The following AVEN variants were observed in gnomAD, a reference collection of about 807,000 sequenced individuals.
AVEN encodes the protein cell death regulator Aven.
In AVEN, 41 loss-of-function variants were observed where a neutral mutation model predicts 38.1. The ratio of observed to expected loss-of-function variants is 1.08; its 90% CI spans 0.84 to 1.40. The LOEUF is 1.40. AVEN is among the 40% of genes most tolerant of loss of function. AVEN has a pLI of 0.00. For synonymous variants in AVEN, 206 were observed against 171.8 expected, an observed-to-expected ratio of 1.20 and a Z score of -1.56; for missense variants, 605 against 438.8, an observed-to-expected ratio of 1.38 and a Z score of -3.38.
chr15:33,873,097 T>TC (rs1891061116), intron 3 of AVEN, among the ~76,000 whole-genome samples: 1 of 124,528 alleles, frequency 8.0e-6, no homozygotes, highest in Non-Finnish European at 1.8e-5. Flanking sequence ...TCCTTTTCTT[T>TC]TTTTTTTTTT....
intron 2 of AVEN, among the ~76,000 whole-genome samples, chr15:33,902,165 T>C (rs538428938): frequency 1.3e-5 from 2 of 152,368 alleles, no homozygotes; most frequent in East Asian, 3.9e-4. Flanking sequence ...CAACGTTTTA[T>C]TGTTTTTAGT....
chr15:33,860,382 C>G (rs926701001), intron 11 of AVEN, among the ~76,000 whole-genome samples: 3 of 152,202 alleles, frequency 2.0e-5, no homozygotes, highest in Non-Finnish European at 4.4e-5. Flanking sequence ...AAGTAGTTAA[C>G]AGCACTGCAT....
At chr15:33,949,941 G>A (rs1894671252) in intron 2 of AVEN, among the ~76,000 whole-genome samples, 1 of 152,134 alleles carries the variant, frequency 6.6e-6, no homozygotes, top group Non-Finnish European at 1.5e-5. Flanking sequence ...ATTCACGATA[G>A]CCAAGATACA....
intron 2 of AVEN, among the ~76,000 whole-genome samples, chr15:33,888,549 G>A (rs572799400): frequency 6.6e-6 from 1 of 152,176 alleles, no homozygotes; most frequent in African/African-American, 2.4e-5. Flanking sequence ...TAAAGATAAG[G>A]ACAGAGGTAT....
chr15:34,028,910 T>A (rs1898627629), intron 1 of AVEN, among the ~76,000 whole-genome samples: 1 of 151,620 alleles, frequency 6.6e-6, no homozygotes, highest in Non-Finnish European at 1.5e-5. Context: ...AAAAAAAAAA[T>A]TGGGAGAGAA....
chr15:33,970,853 T>A (rs1895606613), intron 2 of AVEN, among the ~76,000 whole-genome samples: 1 of 151,992 alleles, frequency 6.6e-6, no homozygotes, highest in Admixed American at 6.6e-5. Context: ...TAACTCACCT[T>A]CTAATGACAA....
chr15:33,898,299 G>C (rs547473908), intron 2 of AVEN, among the ~76,000 whole-genome samples: 3 of 152,198 alleles, frequency 2.0e-5, no homozygotes, highest in Admixed American at 1.3e-4. Context: ...GGGAGGACTA[G>C]AGATTAGATC....
intron 5 of AVEN, among the ~76,000 whole-genome samples, chr15:34,047,147 G>A (rs1443847679): frequency 6.6e-6 from 1 of 150,938 alleles, no homozygotes; most frequent in African/African-American, 2.4e-5. Context: ...ACACGATCTC[G>A]GCTCACTGCA....
chr15:33,870,484 C>G (rs1407622502), intron 4 of AVEN, among the ~76,000 whole-genome samples: 4 of 152,186 alleles, frequency 2.6e-5, no homozygotes, highest in Admixed American at 2.6e-4. Flanking sequence ...ACACCAGAAA[C>G]TGATTTACTC....
At chr15:33,996,882 C>T (rs991321275) in intron 2 of AVEN, among the ~76,000 whole-genome samples, 1 of 152,130 alleles carries the variant, frequency 6.6e-6, no homozygotes, top group East Asian at 1.9e-4. Flanking sequence ...AAGTAGGCTT[C>T]GGAAGGCTGG....
chr15:33,938,424 C>T (rs565349243), intron 2 of AVEN, among the ~76,000 whole-genome samples: 1 of 151,802 alleles, frequency 6.6e-6, no homozygotes, highest in South Asian at 2.1e-4. Context: ...CACTGCACTC[C>T]AGCCTGGGTG....
intron 2 of AVEN, among the ~76,000 whole-genome samples, chr15:33,890,493 A>G (rs1465276749): frequency 6.6e-6 from 1 of 152,212 alleles, no homozygotes; most frequent in Non-Finnish European, 1.5e-5. Flanking sequence ...CATAAAGGGG[A>G]TAAGGAAACA....
intron 5 of AVEN, among the ~76,000 whole-genome samples, chr15:34,056,654 G>A (rs1900163217): frequency 6.6e-6 from 1 of 151,958 alleles, no homozygotes; most frequent in African/African-American, 2.4e-5. Flanking sequence ...TGTTAGCCTC[G>A]GCTCTCCTCA....
At chr15:33,934,117 G>A (rs540677646) in intron 2 of AVEN, among the ~76,000 whole-genome samples, 1 of 151,918 alleles carries the variant, frequency 6.6e-6, no homozygotes, top group East Asian at 2.0e-4. Flanking sequence ...GCTCATGCCT[G>A]TAATTCTAGC....
At chr15:33,901,395 TTATC>T (rs1223313652) in intron 2 of AVEN, among the ~76,000 whole-genome samples, 43 of 152,350 alleles carry the variant, frequency 2.8e-4, no homozygotes, top group Middle Eastern at 3.4e-3. Context: ...CACACACGTT[TTATC>T]TATTTGCCCA....
intron 2 of AVEN, among the ~76,000 whole-genome samples, chr15:33,978,701 A>C (rs1298754547): frequency 6.6e-6 from 1 of 152,022 alleles, no homozygotes; most frequent in African/African-American, 2.4e-5. Context: ...AAAATAAATA[A>C]AATTAAGGTG....
chr15:34,047,560 A>G (rs76086211), intron 5 of AVEN, among the ~76,000 whole-genome samples: 95 of 152,260 alleles, frequency 6.2e-4, no homozygotes, highest in African/African-American at 2.2e-3. Flanking sequence ...AGCCAACAGT[A>G]AAAGCCAGAG....
chr15:33,871,507 G>A (rs927659544), intron 3 of AVEN, among the ~76,000 whole-genome samples: 6 of 151,996 alleles, frequency 3.9e-5, no homozygotes, highest in Non-Finnish European at 7.4e-5. Flanking sequence ...GGCAGAGGCC[G>A]CAGGGAGCCG....
At chr15:34,062,644 T>C in intron 5 of AVEN, 1 of 1,414,092 alleles carries the variant, frequency 7.1e-7, no homozygotes, top group Non-Finnish European at 9.6e-7. Context: ...CTCTTCCAGA[T>C]GCTGGCCAAG....
Sources: allele counts gnomAD v4.1 joint callset (sites outside exome capture counted in the v4.1 genomes callset), GRCh38; gene constraint gnomAD v4.1.1; transcripts MANE v1.5; gene names NCBI Gene and HGNC (gene_info 2026-07-23, HGNC 2026-07-21).